The following CDK19 variants were observed in gnomAD, a reference collection of about 807,000 sequenced individuals.
CDK19 encodes cyclin dependent kinase 19.
A neutral mutation model predicts 68.3 loss-of-function variants in CDK19; 20 were observed. The ratio of observed to expected loss-of-function variants is 0.29; its 90% CI spans 0.21 to 0.43. The LOEUF is 0.43. CDK19 is among the 20% of genes least tolerant of loss of function. The pLI is 1.00. For synonymous variants in CDK19, 221 were observed against 222.8 expected (o/e 0.99, Z 0.07); for missense variants, 339 against 623.5 (o/e 0.54, Z 4.86).
rs1347697988 is a variant in CDK19 at position 110,614,473 on chromosome 6, A to G, written c.*62T>C. 3.8e-6 allele frequency: 6 copies of G among 1,559,832 alleles called. No homozygotes were observed. Among genetic ancestry groups the G allele is most frequent in the Non-Finnish European group, 5.2e-6 (6 of 1,146,932 alleles). ...GTTTGCATTTTTTTGGTTCTTTTCA[A>G]TGCAGACATATTGCTGGAGCCTGTG... On this transcript the variant is annotated 3_prime_UTR_variant, in exon 13 of 13. Transcript: ENST00000368911.
chr6:110,697,951 T>C (rs893276012), intron 2 of CDK19, among the ~76,000 whole-genome samples: 12 of 152,104 alleles, frequency 7.9e-5, no homozygotes, highest in African/African-American at 2.7e-4. Flanking sequence ...CTGGGATAAT[T>C]CACAAGCCAC....
At chr6:110,646,028 G>T in intron 4 of CDK19, 1 of 951,860 alleles carries the variant, frequency 1.1e-6, no homozygotes. Flanking sequence ...CGCGGGACCT[G>T]CGTGCCATCT....
chr6:110,674,405 C>A (rs922421048), intron 2 of CDK19, among the ~76,000 whole-genome samples: 1 of 152,216 alleles, frequency 6.6e-6, no homozygotes, highest in Non-Finnish European at 1.5e-5. Context: ...CTGAGGAAGG[C>A]ACACTGAAAG....
At chr6:110,656,789 A>G (rs990487951) in intron 4 of CDK19, among the ~76,000 whole-genome samples, 12 of 152,368 alleles carry the variant, frequency 7.9e-5, no homozygotes, top group Middle Eastern at 3.4e-3. Flanking sequence ...CAACCATTAT[A>G]AAAAGTTCAA....
At chr6:110,755,331 T>C (rs1241017036) in intron 1 of CDK19, among the ~76,000 whole-genome samples, 1 of 152,096 alleles carries the variant, frequency 6.6e-6, no homozygotes, top group Non-Finnish European at 1.5e-5. Flanking sequence ...TGAGCCACCA[T>C]GCCTAGCCCC....
At chr6:110,751,116 G>A (rs1009904808) in intron 1 of CDK19, among the ~76,000 whole-genome samples, 3 of 152,048 alleles carry the variant, frequency 2.0e-5, no homozygotes, top group South Asian at 2.1e-4. Flanking sequence ...TTACAGGCAT[G>A]AGCCACCACA....
intron 4 of CDK19, among the ~76,000 whole-genome samples, chr6:110,647,296 A>T (rs1433455298): frequency 2.6e-5 from 4 of 151,936 alleles, no homozygotes; most frequent in Non-Finnish European, 2.9e-5. Context: ...CCAACAATGG[A>T]ACAGAAAGCC....
chr6:110,659,944 T>C (rs1047333587), intron 4 of CDK19, among the ~76,000 whole-genome samples: 3 of 152,236 alleles, frequency 2.0e-5, no homozygotes, highest in African/African-American at 7.2e-5. Flanking sequence ...ATTTTCTTCA[T>C]TGCATTTCCA....
chr6:110,728,428 A>C (rs566562593), intron 2 of CDK19, among the ~76,000 whole-genome samples: 2 of 152,090 alleles, frequency 1.3e-5, no homozygotes, highest in African/African-American at 4.8e-5. Context: ...ATTTCTACCC[A>C]TCTGCCCTCA....
intron 2 of CDK19, among the ~76,000 whole-genome samples, chr6:110,711,075 T>C (rs1267650295): frequency 1.1e-4 from 17 of 152,074 alleles, no homozygotes; most frequent in Admixed American, 9.2e-4. Context: ...AATAAATGAG[T>C]TATTTTATGG....
At chr6:110,763,470 C>T (rs1043541166) in intron 1 of CDK19, among the ~76,000 whole-genome samples, 1 of 135,932 alleles carries the variant, frequency 7.4e-6, no homozygotes, top group African/African-American at 2.8e-5. Flanking sequence ...GGCTGGAGTG[C>T]AGTGGTGCGA....
intron 1 of CDK19, among the ~76,000 whole-genome samples, chr6:110,780,445 A>C (rs1458484060): frequency 6.6e-6 from 1 of 151,340 alleles, no homozygotes; most frequent in Non-Finnish European, 1.5e-5. Context: ...ACAACACAAA[A>C]TCTTCTATCA....
At chr6:110,803,357 G>A (rs1214977402) in intron 1 of CDK19, among the ~76,000 whole-genome samples, 1 of 152,172 alleles carries the variant, frequency 6.6e-6, no homozygotes, top group Admixed American at 6.5e-5. Flanking sequence ...GGGATTACAG[G>A]CGTGAGCCAC....
At chr6:110,733,766 C>T (rs1311404258) in intron 2 of CDK19, among the ~76,000 whole-genome samples, 2 of 151,980 alleles carry the variant, frequency 1.3e-5, no homozygotes, top group Non-Finnish European at 2.9e-5. Flanking sequence ...CTGACCCATA[C>T]TTCACCTTTC....
intron 12 of CDK19, among the ~76,000 whole-genome samples, chr6:110,617,680 C>T (rs1325884727): frequency 5.1e-4 from 74 of 144,566 alleles, no homozygotes; most frequent in African/African-American, 1.7e-3. Context: ...CACACACACA[C>T]ACACACACAC....
chr6:110,616,065 T>C (rs1362229396), intron 12 of CDK19, among the ~76,000 whole-genome samples: 1 of 152,006 alleles, frequency 6.6e-6, no homozygotes, highest in Non-Finnish European at 1.5e-5. Context: ...CTTTGAAAAA[T>C]CCTAGCCTCC....
Position 110,748,848 on chromosome 6 carries a change from C to T in CDK19, c.129-2647G>A, listed in dbSNP as rs1184729560. Among the ~76,000 whole-genome samples the T allele has an allele frequency of 3.3e-5, 5 of 152,332 alleles. 1 individual carries two copies. Among genetic ancestry groups the T allele is most frequent in the Admixed American group, 3.3e-4 (5 of 15,306 alleles). ...CCTCACAGCTTAGATGTTTCAGGCA[C>T]ATGTAATATTAAATATCATAAAAGA... is the stretch of plus-strand genomic sequence containing the variant. On this transcript the variant is annotated intron_variant, in intron 1 of 12. Coordinates refer to ENST00000368911, the MANE Select transcript of CDK19 (RefSeq NM_015076.5).
intron 12 of CDK19, among the ~76,000 whole-genome samples, chr6:110,615,314 T>C (rs539945046): frequency 6.6e-6 from 1 of 152,342 alleles, no homozygotes; most frequent in East Asian, 1.9e-4. Flanking sequence ...TTCAATGTAT[T>C]TTTATTACAT....
chr6:110,650,920 G>A (rs999365505), intron 4 of CDK19, among the ~76,000 whole-genome samples: 24 of 152,296 alleles, frequency 1.6e-4, no homozygotes, highest in African/African-American at 5.8e-4. Context: ...GGCAGTTGGG[G>A]AGGACTGCTA....
Sources: allele counts gnomAD v4.1 joint callset (sites outside exome capture counted in the v4.1 genomes callset), GRCh38; gene constraint gnomAD v4.1.1; transcripts MANE v1.5; gene names NCBI Gene and HGNC (gene_info 2026-07-23, HGNC 2026-07-21).